Variants in HS3ST4 observed in about 807,000 individuals in gnomAD.
HS3ST4 encodes heparan sulfate glucosamine 3-O-sulfotransferase 4.
HS3ST4 carries 17 observed loss-of-function variants against 29.2 expected under a neutral mutation model. The ratio of observed to expected loss-of-function variants is 0.58; its 90% CI spans 0.40 to 0.87. HS3ST4 has a LOEUF of 0.87. Among genes scored for constraint, HS3ST4 ranks in the 40% least tolerant of loss-of-function variants. The pLI is 0.00. For synonymous variants in HS3ST4, 314 were observed against 285.7 expected (o/e 1.10, Z -1.00); for missense variants, 627 against 634.5 (o/e 0.99, Z 0.13).
intron 1 of HS3ST4, among the ~76,000 whole-genome samples, chr16:25,893,446 T>G (rs2141669872): frequency 6.6e-6 from 1 of 152,284 alleles, no homozygotes; most frequent in East Asian, 1.9e-4. Context: ...TAAGCCACAT[T>G]CAAATCTGTG....
intron 1 of HS3ST4, among the ~76,000 whole-genome samples, chr16:25,707,234 CT>C (rs555111745): frequency 2.5e-4 from 38 of 152,126 alleles, no homozygotes; most frequent in African/African-American, 9.2e-4. Context: ...TGAAGTGCTT[CT>C]TTTAAGTGAA....
At chr16:25,842,635 A>T (rs1350355829) in intron 1 of HS3ST4, among the ~76,000 whole-genome samples, 4 of 152,204 alleles carry the variant, frequency 2.6e-5, no homozygotes, top group Non-Finnish European at 5.9e-5. Flanking sequence ...ATTAGGAAGT[A>T]ATTAGGAAGT....
At chr16:25,899,647 A>G (rs538889597) in intron 1 of HS3ST4, among the ~76,000 whole-genome samples, 1 of 149,730 alleles carries the variant, frequency 6.7e-6, no homozygotes, top group Non-Finnish European at 1.5e-5. Context: ...CTGGGATTAC[A>G]GGCGCATGCC....
At chr16:25,986,474 G>A (rs913623387) in intron 1 of HS3ST4, among the ~76,000 whole-genome samples, 10 of 152,196 alleles carry the variant, frequency 6.6e-5, no homozygotes, top group Admixed American at 2.6e-4. Context: ...GGCCTGAAGC[G>A]TGACCTAAGC....
rs1022294874 is a variant in HS3ST4, at chr16:25,742,356, C to T, written c.734+49205C>T. On this transcript the variant is annotated intron_variant, in intron 1 of 1. Transcript: ENST00000331351. ...TTCCTGATAATTCCACCAAAAATCT[C>T]AGTGTTGATTCTCACTGGACCCACT... Among the ~76,000 whole-genome samples the T allele has an allele frequency of 2.6e-5, 4 of 152,184 alleles. No individual in the cohort carries two copies. The South Asian group carries it at 6.2e-4, about 24-fold the overall frequency.
chr16:25,753,271 T>G (rs1163567747), intron 1 of HS3ST4, among the ~76,000 whole-genome samples: 1 of 152,234 alleles, frequency 6.6e-6, no homozygotes, highest in African/African-American at 2.4e-5. Context: ...AATTCATCAT[T>G]CATGACGTTT....
chr16:26,050,721 A>G (rs1379826139), intron 1 of HS3ST4, among the ~76,000 whole-genome samples: 5 of 152,120 alleles, frequency 3.3e-5, no homozygotes, highest in Non-Finnish European at 7.3e-5. Flanking sequence ...ACAGAGGCAT[A>G]CCCCATGCAT....
At chr16:25,941,750 G>T (rs2141692564) in intron 1 of HS3ST4, among the ~76,000 whole-genome samples, 1 of 151,978 alleles carries the variant, frequency 6.6e-6, no homozygotes, top group Non-Finnish European at 1.5e-5. Flanking sequence ...CTAATTTTTT[G>T]TATTTTTAGC....
At chr16:25,871,063 A>T (rs187031208) in intron 1 of HS3ST4, among the ~76,000 whole-genome samples, 3 of 152,336 alleles carry the variant, frequency 2.0e-5, no homozygotes, top group Admixed American at 6.5e-5. Context: ...ATTGCCCAAG[A>T]GTATGTTAGT....
chr16:25,744,498 G>A (rs935585132), intron 1 of HS3ST4, among the ~76,000 whole-genome samples: 2 of 152,032 alleles, frequency 1.3e-5, no homozygotes, highest in African/African-American at 4.8e-5. Context: ...TTTTCTCTTA[G>A]ATATATAAAA....
At chr16:25,885,448 T>A (rs1342536209) in intron 1 of HS3ST4, among the ~76,000 whole-genome samples, 1 of 152,214 alleles carries the variant, frequency 6.6e-6, no homozygotes, top group Non-Finnish European at 1.5e-5. Flanking sequence ...TCAGCCAGTT[T>A]GTCGAGTTCT....
At chr16:25,840,597 TA>T (rs1967402318) in intron 1 of HS3ST4, among the ~76,000 whole-genome samples, 1 of 152,216 alleles carries the variant, frequency 6.6e-6, no homozygotes, top group South Asian at 2.1e-4. Context: ...TCCTGGAATA[TA>T]AAAGTGATTT....
At chr16:25,936,829 T>C (rs1304372147) in intron 1 of HS3ST4, among the ~76,000 whole-genome samples, 2 of 152,182 alleles carry the variant, frequency 1.3e-5, no homozygotes, top group Admixed American at 1.3e-4. Flanking sequence ...CTAGGAAATA[T>C]AGGAACTGCT....
rs141664066 is a variant in HS3ST4 at position 25,981,772 on chromosome 16, T to G, written c.735-153840T>G. Among the ~76,000 whole-genome samples the G allele has an allele frequency of 4.8e-3, 726 of 152,270 alleles. 9 individuals are homozygous for G. Among genetic ancestry groups the G allele is most frequent in the African/African-American group, 0.017 (691 of 41,530 alleles). ...GTATTCCCAGCCTAGCACATGATAG[T>G]CACTCAATAAAGACTTGTTAAATGA... On this transcript the variant is annotated intron_variant, in intron 1 of 1. Transcript: ENST00000331351.
chr16:25,820,026 A>C (rs1967132997), intron 1 of HS3ST4, among the ~76,000 whole-genome samples: 5 of 99,890 alleles, frequency 5.0e-5, no homozygotes, highest in Non-Finnish European at 7.6e-5. Flanking sequence ...AAAAAAAAAA[A>C]AAAAAAAAAA....
At chr16:25,761,933 G>A (rs537354907) in intron 1 of HS3ST4, among the ~76,000 whole-genome samples, 2 of 152,294 alleles carry the variant, frequency 1.3e-5, no homozygotes, top group African/African-American at 2.4e-5. Context: ...GACTTTCTCA[G>A]TGATATGGAA....
chr16:25,799,967 A>G (rs1381405730), intron 1 of HS3ST4, among the ~76,000 whole-genome samples: 1 of 152,068 alleles, frequency 6.6e-6, no homozygotes. Context: ...CCTTCCGCAT[A>G]GCTGGAATTC....
At chr16:25,727,365 A>C (rs1966543205) in intron 1 of HS3ST4, among the ~76,000 whole-genome samples, 1 of 152,208 alleles carries the variant, frequency 6.6e-6, no homozygotes, top group Non-Finnish European at 1.5e-5. Flanking sequence ...GTTGAAGAGA[A>C]AAACAAGATG....
intron 1 of HS3ST4, among the ~76,000 whole-genome samples, chr16:25,779,001 T>TGC (rs1966850303): frequency 2.0e-5 from 3 of 151,522 alleles, no homozygotes; most frequent in Admixed American, 1.3e-4. Context: ...TCTGTGTCTC[T>TGC]ACACACACAC....
Sources: allele counts gnomAD v4.1 joint callset (sites outside exome capture counted in the v4.1 genomes callset), GRCh38; gene constraint gnomAD v4.1.1; transcripts MANE v1.5; gene names NCBI Gene and HGNC (gene_info 2026-07-23, HGNC 2026-07-21).